Variants in GLIS3 observed in about 807,000 individuals in gnomAD.
GLIS3 encodes GLIS family zinc finger 3.
GLIS3 carries 53 observed loss-of-function variants against 78.6 expected under a neutral mutation model. That is an observed-to-expected ratio of 0.67 (90% CI 0.54 to 0.85). The LOEUF is 0.85. GLIS3 is among the 40% of genes least tolerant of loss of function. GLIS3 has a pLI of 0.00. For missense variants in GLIS3, 1,703 were observed against 1,231.1 expected (o/e 1.38, Z -5.74); for synonymous variants, 684 against 509.9 (o/e 1.34, Z -4.60).
intron 2 of GLIS3, among the ~76,000 whole-genome samples, chr9:4,330,363 G>T (rs1006426862): frequency 6.6e-6 from 1 of 152,256 alleles, no homozygotes; most frequent in Non-Finnish European, 1.5e-5. Flanking sequence ...GGCCCTGCGA[G>T]TTGGCACTGC....
At chr9:3,957,728 T>G (rs1008820149) in intron 4 of GLIS3, among the ~76,000 whole-genome samples, 8 of 152,212 alleles carry the variant, frequency 5.3e-5, no homozygotes, top group Non-Finnish European at 1.2e-4. Flanking sequence ...TTCATTGTCA[T>G]TCCCAGTCCA....
intron 4 of GLIS3, among the ~76,000 whole-genome samples, chr9:4,113,443 C>A (rs1831390148): frequency 6.6e-6 from 1 of 152,148 alleles, no homozygotes; most frequent in Non-Finnish European, 1.5e-5. Flanking sequence ...AATTTAGTCT[C>A]TCCAACAACG....
At chr9:3,994,909 G>C (rs1820623367) in intron 4 of GLIS3, among the ~76,000 whole-genome samples, 1 of 152,144 alleles carries the variant, frequency 6.6e-6, no homozygotes, top group African/African-American at 2.4e-5. Flanking sequence ...CAGAAAACAA[G>C]CAAGCAAACA....
chr9:4,259,802 T>C (rs1419733496), intron 2 of GLIS3, among the ~76,000 whole-genome samples: 1 of 152,218 alleles, frequency 6.6e-6, no homozygotes, highest in Non-Finnish European at 1.5e-5. Flanking sequence ...TGCTGGCTTT[T>C]GAGCCTTTCT....
chr9:3,910,029 C>A (rs189580104), intron 6 of GLIS3, among the ~76,000 whole-genome samples: 2 of 152,328 alleles, frequency 1.3e-5, no homozygotes, highest in East Asian at 3.9e-4. Flanking sequence ...CTTTTGATGA[C>A]AGGGAACATC....
At chr9:3,905,311 G>A (rs1177798368) in intron 6 of GLIS3, among the ~76,000 whole-genome samples, 5 of 151,802 alleles carry the variant, frequency 3.3e-5, no homozygotes, top group African/African-American at 1.2e-4. Flanking sequence ...TATTCTAGCC[G>A]GAAGCCTGTC....
chr9:4,339,029 C>T (rs1323981846), intron 2 of GLIS3, among the ~76,000 whole-genome samples: 2 of 152,180 alleles, frequency 1.3e-5, no homozygotes, highest in Non-Finnish European at 2.9e-5. Context: ...TTTCAAGGAC[C>T]CTCCTGGTGA....
intron 4 of GLIS3, among the ~76,000 whole-genome samples, chr9:4,093,031 T>C (rs955703927): frequency 6.6e-6 from 1 of 152,166 alleles, no homozygotes; most frequent in African/African-American, 2.4e-5. Flanking sequence ...TTTATAATCT[T>C]ATGGGGCCAC....
intron 5 of GLIS3, among the ~76,000 whole-genome samples, chr9:3,934,141 G>A (rs1418267503): frequency 2.0e-5 from 3 of 152,150 alleles, no homozygotes; most frequent in Admixed American, 1.3e-4. Flanking sequence ...AGTTTCTACC[G>A]AGTAAGCAAA....
intron 2 of GLIS3, among the ~76,000 whole-genome samples, chr9:4,279,297 C>CAAAAA (rs56734583): frequency 0.13 from 11,683 of 91,726 alleles, 2,429 homozygotes; most frequent in Non-Finnish European, 0.16. Flanking sequence ...GACTCCATCT[C>CAAAAA]AAAAAAAAAA....
the GLIS3 span, among the ~76,000 whole-genome samples, chr9:4,453,131 C>T: frequency 1.3e-5 from 2 of 152,090 alleles, no homozygotes; most frequent in Non-Finnish European, 2.9e-5. Context: ...GAAACTGGAT[C>T]CCTTCCTTAC....
chr9:4,122,193 T>C (rs952859198), intron 3 of GLIS3, among the ~76,000 whole-genome samples: 1 of 152,236 alleles, frequency 6.6e-6, no homozygotes, highest in Non-Finnish European at 1.5e-5. Context: ...ATGATGACCA[T>C]GTTAGATGTT....
At chr9:4,172,340 T>C (rs1043739895) in intron 2 of GLIS3, among the ~76,000 whole-genome samples, 1 of 152,080 alleles carries the variant, frequency 6.6e-6, no homozygotes, top group Non-Finnish European at 1.5e-5. Flanking sequence ...AACACAGGTA[T>C]AGGATGGTCC....
chr9:4,040,158 G>A (rs890452056), intron 4 of GLIS3, among the ~76,000 whole-genome samples: 1 of 152,078 alleles, frequency 6.6e-6, no homozygotes, highest in Non-Finnish European at 1.5e-5. Flanking sequence ...ATTTATGGAG[G>A]GGTGGTGATT....
chr9:4,114,351 G>A (rs1831461574), intron 4 of GLIS3, among the ~76,000 whole-genome samples: 1 of 152,166 alleles, frequency 6.6e-6, no homozygotes, highest in East Asian at 1.9e-4. Context: ...GGGATGATTA[G>A]TGTACATCTA....
chr9:3,975,388 C>A (rs929626839), intron 4 of GLIS3, among the ~76,000 whole-genome samples: 28 of 152,116 alleles, frequency 1.8e-4, no homozygotes, highest in African/African-American at 6.3e-4. Flanking sequence ...CCAAAGTCAT[C>A]CTAAAAGTAT....
At chr9:3,918,098 A>G (rs1234812057) in intron 6 of GLIS3, among the ~76,000 whole-genome samples, 1 of 152,226 alleles carries the variant, frequency 6.6e-6, no homozygotes, top group Non-Finnish European at 1.5e-5. Context: ...TTAGGGCTAA[A>G]TGCAGACTGG....
intron 2 of GLIS3, among the ~76,000 whole-genome samples, chr9:4,323,394 G>C (rs1299902064): frequency 2.0e-5 from 3 of 151,822 alleles, no homozygotes; most frequent in South Asian, 2.1e-4. Context: ...GCTGTGTATA[G>C]TCTCTAGAAC....
intron 2 of GLIS3, among the ~76,000 whole-genome samples, chr9:4,218,542 T>G (rs995012603): frequency 1.3e-5 from 2 of 152,198 alleles, no homozygotes; most frequent in Non-Finnish European, 2.9e-5. Flanking sequence ...CCTCCCAAAG[T>G]GCTGGGATTA....
Sources: allele counts gnomAD v4.1 joint callset (sites outside exome capture counted in the v4.1 genomes callset), GRCh38; gene constraint gnomAD v4.1.1; transcripts MANE v1.5; gene names NCBI Gene and HGNC (gene_info 2026-07-23, HGNC 2026-07-21).